The following GSTM2 variants were observed in gnomAD, a reference collection of about 807,000 sequenced individuals.
GSTM2 encodes the protein glutathione S-transferase mu 2.
In GSTM2, 33 loss-of-function variants were observed where a neutral mutation model predicts 33.3. The ratio of observed to expected loss-of-function variants is 0.99; its 90% CI spans 0.75 to 1.33. The LOEUF is 1.33. GSTM2 is among the 40% of genes most tolerant of loss of function. The probability of loss-of-function intolerance (pLI) is 0.00; values close to 1 mark genes in which losing one functional copy is unlikely to be tolerated. For missense variants in GSTM2, 213 were observed against 265.8 expected (o/e 0.80, Z 1.38); for synonymous variants, 93 against 95.6 (o/e 0.97, Z 0.16).
At chr1:109,679,958 C>A (rs952442005), downstream of GSTM2, among the ~76,000 whole-genome samples, 1 of 152,168 alleles carries the variant, frequency 6.6e-6, no homozygotes, top group Non-Finnish European at 1.5e-5. Context: ...CATTTGATAT[C>A]TCTGACTGGG....
chr1:109,672,684 A>G (rs1406210469), intron 7 of GSTM2, among the ~76,000 whole-genome samples: 1 of 152,206 alleles, frequency 6.6e-6, no homozygotes, highest in Admixed American at 6.5e-5. Flanking sequence ...ATTGATGTTC[A>G]ATACTGAACC....
chr1:109,675,538 G>A (rs542134982), downstream of GSTM2, among the ~76,000 whole-genome samples: 73 of 151,130 alleles, frequency 4.8e-4, 2 homozygotes, highest in African/African-American at 1.8e-3. Context: ...TCATCCAGCC[G>A]TATTGAGTAC....
In GSTM2 at chr1:109,674,830, C is replaced by A; in HGVS notation, c.651C>A (p.Asn217Lys). 1 of 1,614,178 alleles carries A rather than the reference C, an allele frequency of 6.2e-7. No individual in the cohort carries two copies. The highest frequency in any genetic ancestry group is 8.5e-7 in the Non-Finnish European group (1 of 1,180,028). The change falls in exon 8 of 8, where the codon AAC (asparagine) becomes AAA (lysine). Residue 217 changes from asparagine to lysine, a missense_variant. Physicochemically the swap from Asn to Lys is moderately conservative, Grantham distance 94. Transcript: ENST00000241337. ...PVFTKMAVWG[N>K]K ...TCACAAAGATGGCTGTCTGGGGCAA[C>A]AAGTAGGGCCTTGAAGGCCAGGAGG...
At chr1:109,673,686 G>A (rs150595613) in intron 7 of GSTM2, among the ~76,000 whole-genome samples, 5 of 152,250 alleles carry the variant, frequency 3.3e-5, no homozygotes, top group Admixed American at 2.6e-4. Flanking sequence ...TGCAACCTCC[G>A]CTTCCTGGGT....
At chr1:109,673,454 T>G (rs1345609508) in intron 7 of GSTM2, 18 of 596,216 alleles carry the variant, frequency 3.0e-5, no homozygotes, top group Non-Finnish European at 4.9e-5. Flanking sequence ...TTCTGAGCCT[T>G]GAATCTGTTT....
Position 109,674,929 on chromosome 1 carries a change from G to A in GSTM2, c.*93G>A, listed in dbSNP as rs1467019350. ...AGCTGGACTCTGCATCCCAGCACCTGCCTCCTCGTTCCTTTCTCCTGTTTA... is the reference window on the plus strand; with the variant it reads ...AGCTGGACTCTGCATCCCAGCACCTACCTCCTCGTTCCTTTCTCCTGTTTA... On this transcript the variant is annotated 3_prime_UTR_variant, in exon 8 of 8. Transcript: ENST00000241337. The A allele has an allele frequency of 6.5e-7, 1 of 1,538,678 alleles. No homozygotes were observed. Among genetic ancestry groups the A allele is most frequent in the Non-Finnish European group, 9.0e-7 (1 of 1,116,866 alleles).
downstream of GSTM2, among the ~76,000 whole-genome samples, chr1:109,675,880 C>T (rs533236495): frequency 6.6e-6 from 1 of 152,234 alleles, no homozygotes; most frequent in African/African-American, 2.4e-5. Context: ...AGTCTGTTCT[C>T]ACGCTGCTAA....
At chr1:109,671,100 C>T in intron 5 of GSTM2, 187 bp from the exon 6 acceptor site, 2 of 599,256 alleles carry the variant, frequency 3.3e-6, no homozygotes, top group Non-Finnish European at 6.1e-6. Context: ...CAGAAAGACT[C>T]CAGCTACCCA....
At chr1:109,678,973 T>G (rs1647786985), downstream of GSTM2, among the ~76,000 whole-genome samples, 1 of 152,100 alleles carries the variant, frequency 6.6e-6, no homozygotes. Context: ...TTTGGTGACT[T>G]TGAGTAGATC....
rs1389458638 is a variant in GSTM2 at position 109,669,467 on chromosome 1, G to A, written c.260-4G>A. On this transcript the variant is annotated splice_region_variant and splice_polypyrimidine_tract_variant and intron_variant, in intron 4 of 7. Transcript: ENST00000241337. ...CTGAGAGTGAATCTGCTTTACGAGG[G>A]TAGGCGGGGAATCAGAAAAGGAGCA... The A allele has an allele frequency of 6.2e-7, 1 of 1,613,820 alleles. No homozygotes were observed. Among genetic ancestry groups the A allele is most frequent in the South Asian group, 1.1e-5 (1 of 91,086 alleles).
At chr1:109,676,108 G>A (rs1436513446), downstream of GSTM2, among the ~76,000 whole-genome samples, 1 of 152,146 alleles carries the variant, frequency 6.6e-6, no homozygotes, top group Non-Finnish European at 1.5e-5. Context: ...AGAACAGTAT[G>A]GGGGAAACTG....
In GSTM2 at chr1:109,673,152, G is replaced by A. The variant is rs986990524; in HGVS notation, c.567+1569G>A. 2.5e-6 allele frequency: 4 copies of A among 1,601,586 alleles called. No homozygotes were observed. In the African/African-American group the frequency reaches 4.0e-5, roughly 16 times the overall value. ...CCCTAAGTGCTGGGATTACAAGCGTGAGCCACCGCGCCTGGCCTCTTCCTC... is the reference window on the plus strand; with the variant it reads ...CCCTAAGTGCTGGGATTACAAGCGTAAGCCACCGCGCCTGGCCTCTTCCTC... On this transcript the variant is annotated intron_variant, in intron 7 of 7. Coordinates refer to ENST00000241337, the MANE Select transcript of GSTM2 (RefSeq NM_000848.4).
Position 109,668,088 on chromosome 1 carries a change from G to A in GSTM2, c.-28G>A. 1 of 1,613,352 alleles carries A rather than the reference G, an allele frequency of 6.2e-7. No individual in the cohort carries two copies. Among genetic ancestry groups the A allele is most frequent in the Non-Finnish European group, 8.5e-7 (1 of 1,179,302 alleles). On this transcript the variant is annotated 5_prime_UTR_variant, in exon 1 of 8. Transcript: ENST00000241337. ...GCTGAGCCCCGCCCCGCTGAGGCCTGTCTGCAGAATCCACAGCAACCAGCA... is the reference window on the plus strand; with the variant it reads ...GCTGAGCCCCGCCCCGCTGAGGCCTATCTGCAGAATCCACAGCAACCAGCA...
At chr1:109,669,653 G>C (rs1195958785) in intron 5 of GSTM2, 82 bp downstream of exon 5, 2 of 882,340 alleles carry the variant, frequency 2.3e-6, no homozygotes, top group Non-Finnish European at 3.7e-6. Flanking sequence ...GTCCAAAATT[G>C]ATTCCTTCTG....
At chr1:109,669,248 C>G (rs1647440056) in intron 3 of GSTM2, 42 bp from the exon 4 acceptor site, 1 of 1,609,870 alleles carries the variant, frequency 6.2e-7, no homozygotes, top group South Asian at 1.1e-5. Context: ...GCTGGGGAGC[C>G]TGGTGGCCCA....
chr1:109,677,561 A>G (rs1429274296), downstream of GSTM2, among the ~76,000 whole-genome samples: 1 of 152,214 alleles, frequency 6.6e-6, no homozygotes, highest in Non-Finnish European at 1.5e-5. Context: ...GAGAAAGGAC[A>G]CACAATCTCA....
chr1:109,668,743 T>C (rs1270311097), intron 2 of GSTM2, 182 bp from the exon 3 acceptor site: 6 of 832,172 alleles, frequency 7.2e-6, no homozygotes, highest in Non-Finnish European at 1.2e-5. Flanking sequence ...AAGCCTTAGC[T>C]GTGTGGGGTC....
chr1:109,671,587 A>T lies in GSTM2; in HGVS notation c.567+4A>T. The T allele has an allele frequency of 6.8e-7, 1 of 1,473,034 alleles. No homozygotes were observed. The highest frequency in any genetic ancestry group is 1.1e-5 in the South Asian group (1 of 88,280). 91.2% of individuals were successfully genotyped at this position (1,473,034 alleles called of 1,614,324 possible). A position where few individuals can be genotyped will look rare whatever the true frequency, so the allele number is the denominator to read the frequency against. ...GGACTTCATCTCCCGATTTGAGGTG[A>T]TGCCCCCAGCCTCCTTTCTCTTTAT... On this transcript the variant is annotated splice_donor_region_variant and intron_variant, in intron 7 of 7. Coordinates refer to ENST00000241337, the MANE Select transcript of GSTM2 (RefSeq NM_000848.4).
downstream of GSTM2, among the ~76,000 whole-genome samples, chr1:109,679,429 CCATTGCACACTG>C (rs1192018174): frequency 6.6e-6 from 1 of 152,184 alleles, no homozygotes; most frequent in Non-Finnish European, 1.5e-5. Context: ...CAAGATCGTG[CCATTGCACACTG>C]CACTCCAGCT....
Sources: gnomAD v4.1 joint callset for allele counts (sites outside exome capture counted in the v4.1 genomes callset) on GRCh38, gnomAD v4.1.1 for gene constraint, MANE v1.5 for transcripts, NCBI Gene and HGNC (gene_info 2026-07-23, HGNC 2026-07-21) for gene names.